The following TMEM181 variants were observed in gnomAD, a reference collection of about 807,000 sequenced individuals.
TMEM181 encodes the protein transmembrane protein 181.
Under a neutral mutation model 71.9 loss-of-function variants are expected in TMEM181, and 39 were observed. The observed-to-expected ratio is 0.54, with a 90% CI of 0.42 to 0.71. TMEM181 has a LOEUF of 0.71. Among genes scored for constraint, TMEM181 ranks in the 30% least tolerant of loss-of-function variants. The pLI is 0.00. For missense variants in TMEM181, 595 were observed against 583.0 expected, an observed-to-expected ratio of 1.02 and a Z score of -0.21; for synonymous variants, 245 against 228.8, an observed-to-expected ratio of 1.07 and a Z score of -0.64.
upstream of TMEM181, among the ~76,000 whole-genome samples, chr6:158,556,271 G>C (rs1200559935): frequency 3.3e-5 from 5 of 152,224 alleles, no homozygotes; most frequent in Non-Finnish European, 7.3e-5. Context: ...AGCTGTGCCA[G>C]CAGAGTTCAG....
rs1782981007 is a variant in TMEM181, at chr6:158,573,359, G to A, written c.9-61G>A. 6.7e-6 allele frequency: 9 copies of A among 1,349,830 alleles called. No homozygotes were observed. The Admixed American group carries it at 8.1e-5, about 12-fold the overall frequency. The allele number at this position is 1,349,830 out of a possible 1,614,324, so 83.6% of individuals were successfully genotyped here. The stretch of plus-strand genomic sequence containing the variant: ...TGGGGAGGGGTGTTGCTGCAGGGCC[G>A]CTTTCCTGTGACCTCCGGGCCTTCC... On this transcript the variant is annotated intron_variant, in intron 1 of 16. Transcript: ENST00000684151.
chr6:158,577,880 C>T (rs1056912245), intron 2 of TMEM181, among the ~76,000 whole-genome samples: 3 of 152,070 alleles, frequency 2.0e-5, no homozygotes, highest in Non-Finnish European at 4.4e-5. Flanking sequence ...CACCTGAGGT[C>T]GGGAGTTCAA....
chr6:158,553,889 T>G (rs1457972299), intron 1 of TMEM181, among the ~76,000 whole-genome samples: 3 of 152,096 alleles, frequency 2.0e-5, no homozygotes, highest in African/African-American at 7.2e-5. Context: ...GATGTCACTT[T>G]GTTCAATGCT....
intron 1 of TMEM181, among the ~76,000 whole-genome samples, chr6:158,538,253 C>G (rs1781204551): frequency 6.6e-6 from 1 of 151,564 alleles, no homozygotes; most frequent in African/African-American, 2.4e-5. Flanking sequence ...TTCCCTGGCT[C>G]AACCAAGCAA....
chr6:158,563,607 C>T (rs1782313361), intron 1 of TMEM181, among the ~76,000 whole-genome samples: 1 of 152,228 alleles, frequency 6.6e-6, no homozygotes, highest in Non-Finnish European at 1.5e-5. Context: ...GCTCACTGGC[C>T]AGCGTTTGAC....
chr6:158,555,455 A>G (rs1038485137), upstream of TMEM181, among the ~76,000 whole-genome samples: 3 of 152,222 alleles, frequency 2.0e-5, no homozygotes, highest in Non-Finnish European at 4.4e-5. Flanking sequence ...CTGGAATGCC[A>G]TAAGCAGTGA....
chr6:158,630,352 C>T (rs998743153), intron 15 of TMEM181, among the ~76,000 whole-genome samples: 1 of 151,902 alleles, frequency 6.6e-6, no homozygotes, highest in Admixed American at 6.6e-5. Context: ...AAAAATTAGA[C>T]AGGTGTGGTG....
At chr6:158,626,409 T>C in intron 13 of TMEM181, 1 of 456,736 alleles carries the variant, frequency 2.2e-6, no homozygotes, top group African/African-American at 2.0e-5. Flanking sequence ...GGAAAAAATC[T>C]AGCTGCTGCT....
rs199898880 is a variant in TMEM181, at chr6:158,585,367, C to G, written c.323C>G (p.Thr108Ser). 3.1e-6 allele frequency: 5 copies of G among 1,612,340 alleles called. No homozygotes were observed. The highest frequency in any genetic ancestry group is 1.7e-5 in the Admixed American group (1 of 59,380). ...VKVDGVAQDG[T>S]TMYIHNKVHN... ...GTCGATGGTGTAGCTCAAGATGGAA[C>G]CACGATGTACATTCATAACAAAGTT... Residue 108 changes from threonine to serine, a missense_variant, in exon 5 of 17, where the codon ACC becomes AGC. Transcript: ENST00000684151.
Position 158,629,834 on chromosome 6 carries a change from G to A in TMEM181, c.1282+15G>A. 6.2e-7 allele frequency: 1 copy of A among 1,607,094 alleles called. No homozygotes were observed. Among genetic ancestry groups the A allele is most frequent in the Non-Finnish European group, 8.5e-7 (1 of 1,173,658 alleles). On this transcript the variant is annotated intron_variant, in intron 15 of 16. Coordinates refer to ENST00000684151, the MANE Select transcript of TMEM181 (RefSeq NM_001376852.1). ...TGCCCTCTATGGTAAGCCACCCTGG[G>A]GTCTGGACTGCTGGCCAGTTAGCGG...
chr6:158,615,594 C>T (rs1031722371), intron 10 of TMEM181, among the ~76,000 whole-genome samples: 5 of 152,274 alleles, frequency 3.3e-5, no homozygotes, highest in Non-Finnish European at 7.3e-5. Context: ...CCTAGGTTTT[C>T]TTCTAGGGTT....
intron 7 of TMEM181, among the ~76,000 whole-genome samples, chr6:158,606,430 G>A (rs186451816): frequency 1.1e-3 from 163 of 152,332 alleles, no homozygotes; most frequent in African/African-American, 3.4e-3. Flanking sequence ...TCTTCTCAAA[G>A]GCTCTCTGAT....
At chr6:158,594,818 G>T (rs191095493) in intron 6 of TMEM181, among the ~76,000 whole-genome samples, 1 of 152,266 alleles carries the variant, frequency 6.6e-6, no homozygotes, top group Non-Finnish European at 1.5e-5. Flanking sequence ...CTCCTGAGTA[G>T]CTGGGATTAC....
rs1407280835 is a variant in TMEM181 at position 158,607,333 on chromosome 6, A to G, written c.663A>G (p.Leu221=). The change falls in exon 8 of 17, where the codon CTA becomes CTG. Residue 221 remains leucine (L), a synonymous_variant. Transcript: ENST00000684151. ...KWMSVLLPLL[L]LYNDPFFPLS... ...TGTCTGTTCTCCTGCCTCTGCTGCT[A>G]CTTTACAATGGTGGGTAGTTCCATT... 4.3e-6 allele frequency: 7 copies of G among 1,613,846 alleles called. No individual in the cohort carries two copies. The highest frequency in any genetic ancestry group is 2.2e-5 in the South Asian group (2 of 91,080).
chr6:158,564,635 A>G (rs1432785644), intron 1 of TMEM181, among the ~76,000 whole-genome samples: 3 of 152,162 alleles, frequency 2.0e-5, no homozygotes, highest in Non-Finnish European at 4.4e-5. Context: ...TCTGACCACT[A>G]TGTTTATGAT....
chr6:158,604,796 C>A (rs1784855141), intron 6 of TMEM181, among the ~76,000 whole-genome samples: 1 of 152,094 alleles, frequency 6.6e-6, no homozygotes, highest in East Asian at 1.9e-4. Flanking sequence ...GATATAAGAT[C>A]CGAATGCTTT....
At chr6:158,606,116 G>A (rs1784933563) in intron 7 of TMEM181, among the ~76,000 whole-genome samples, 1 of 152,238 alleles carries the variant, frequency 6.6e-6, no homozygotes, top group African/African-American at 2.4e-5. Flanking sequence ...GTGCTCTGCT[G>A]GAGCGAAGGG....
intron 1 of TMEM181, among the ~76,000 whole-genome samples, chr6:158,549,952 C>CTTTT (rs34066198): frequency 0.042 from 4,678 of 110,686 alleles, 271 homozygotes; most frequent in Admixed American, 0.16. Context: ...TTTGTCAGGA[C>CTTTT]TTTTTTTTTT....
intron 6 of TMEM181, among the ~76,000 whole-genome samples, chr6:158,592,023 T>C (rs1784138300): frequency 6.6e-6 from 1 of 152,214 alleles, no homozygotes; most frequent in South Asian, 2.1e-4. Context: ...ACCACTCACC[T>C]TGAATTACAC....
Sources: allele counts gnomAD v4.1 joint callset (sites outside exome capture counted in the v4.1 genomes callset), GRCh38; gene constraint gnomAD v4.1.1; transcripts MANE v1.5; gene names NCBI Gene and HGNC (gene_info 2026-07-23, HGNC 2026-07-21).